The following TFPI variants were observed in gnomAD, a reference collection of about 807,000 sequenced individuals.
TFPI encodes tissue factor pathway inhibitor.
In TFPI, 15 loss-of-function variants were observed where a neutral mutation model predicts 34.6. That is an observed-to-expected ratio of 0.43 (90% CI 0.29 to 0.67). The LOEUF (loss-of-function observed/expected upper bound fraction) is 0.67. Ranked by LOEUF, TFPI falls within the 30% of genes least tolerant of loss-of-function variation. The pLI is 0.15. For missense variants in TFPI, 301 were observed against 364.0 expected (o/e 0.83, Z 1.41); for synonymous variants, 105 against 120.1 (o/e 0.87, Z 0.82).
At chr2:187,487,074 C>T (rs1027483894) in intron 4 of TFPI, among the ~76,000 whole-genome samples, 4 of 151,448 alleles carry the variant, frequency 2.6e-5, no homozygotes, top group African/African-American at 9.7e-5. Flanking sequence ...TATAAATATA[C>T]ACTTTATAGC....
chr2:187,525,358 A>G (rs981717652), intron 1 of TFPI, among the ~76,000 whole-genome samples: 1 of 152,118 alleles, frequency 6.6e-6, no homozygotes, highest in African/African-American at 2.4e-5. Context: ...TCATCTGGAA[A>G]GCATTCTGCC....
chr2:187,498,753 A>G (rs957891508), intron 2 of TFPI, among the ~76,000 whole-genome samples: 3 of 151,970 alleles, frequency 2.0e-5, no homozygotes, highest in African/African-American at 7.2e-5. Flanking sequence ...ATAGAAGAGT[A>G]TGTTTTTCAG....
chr2:187,476,614 A>C (rs1172944689), intron 6 of TFPI, among the ~76,000 whole-genome samples: 1 of 152,140 alleles, frequency 6.6e-6, no homozygotes, highest in Admixed American at 6.6e-5. Flanking sequence ...CGCTGGTATT[A>C]CAGGAGTGAG....
chr2:187,480,316 A>G (rs1397334437), intron 6 of TFPI, among the ~76,000 whole-genome samples: 1 of 152,028 alleles, frequency 6.6e-6, no homozygotes, highest in African/African-American at 2.4e-5. Flanking sequence ...CACATGGATA[A>G]TAATAATGAG....
Position 187,551,933 on chromosome 2 carries a change from T to C in TFPI, c.-3+2267A>G, listed in dbSNP as rs115499063. Among the ~76,000 whole-genome samples, 1,008 of 152,240 alleles carry C rather than the reference T, an allele frequency of 6.6e-3. 8 individuals carry two copies. Among genetic ancestry groups the C allele is most frequent in the African/African-American group, 0.023 (959 of 41,560 alleles). On this transcript the variant is annotated intron_variant, in intron 1 of 7. Coordinates refer to ENST00000233156, the MANE Select transcript of TFPI (RefSeq NM_006287.6). ...GATGGCTGGTTGTAGAAGGCCTTTA[T>C]TGAGAATAGATGAGTTGTATTGTAG...
Position 187,496,767 on chromosome 2 carries a change from T to G in TFPI, c.319+114A>C, listed in dbSNP as rs1685510495. Reference sequence around the variant, plus strand: ...GTCTAAAAATGTGGAAATAAAAGATTCCTTGGAAATATTAAAACAGCATGA... The same window carrying G: ...GTCTAAAAATGTGGAAATAAAAGATGCCTTGGAAATATTAAAACAGCATGA... On this transcript the variant is annotated intron_variant, in intron 3 of 7. Coordinates refer to ENST00000233156, the MANE Select transcript of TFPI (RefSeq NM_006287.6). 4 of 941,896 alleles carry G rather than the reference T, an allele frequency of 4.2e-6. No homozygotes were observed. The South Asian group carries it at 7.3e-5, about 17-fold the overall frequency. The allele number at this position is 941,896 out of a possible 1,614,324, so 58.3% of individuals were successfully genotyped here. A position where few individuals can be genotyped will look rare whatever the true frequency, so the allele number is the denominator to read the frequency against.
At chr2:187,473,378 C>T (rs536666830) in intron 6 of TFPI, among the ~76,000 whole-genome samples, 33 of 151,978 alleles carry the variant, frequency 2.2e-4, no homozygotes, top group African/African-American at 8.0e-4. Context: ...CCAGCAGCTA[C>T]TTCCAGTCTT....
rs1403882013 is a variant in TFPI, at chr2:187,465,080, T to C, written c.*1856A>G. ...AGTACTGTTGGTAAATCCAAAAACA[T>C]ACATCAAAATTAAATGGTGAGGTTG... On this transcript the variant is annotated 3_prime_UTR_variant, in exon 8 of 8. Transcript: ENST00000233156. 1.3e-5 allele frequency: 2 copies of C among 152,158 alleles called. No individual in the cohort carries two copies. Among genetic ancestry groups the C allele is most frequent in the Non-Finnish European group, 2.9e-5 (2 of 68,028 alleles). 9.4% of individuals were successfully genotyped at this position (152,158 alleles called of 1,614,324 possible).
intron 6 of TFPI, among the ~76,000 whole-genome samples, chr2:187,473,694 T>G (rs1368948348): frequency 6.6e-6 from 1 of 151,812 alleles, no homozygotes; most frequent in East Asian, 1.9e-4. Context: ...AGAAAGAGTA[T>G]GTATCTCTAT....
At chr2:187,491,868 T>G (rs1382307222) in intron 3 of TFPI, among the ~76,000 whole-genome samples, 2 of 152,164 alleles carry the variant, frequency 1.3e-5, no homozygotes, top group Non-Finnish European at 1.5e-5. Flanking sequence ...CATCTGTTAT[T>G]TTTTGACTTT....
chr2:187,503,821 T>G, intron 1 of TFPI, 51 bp from the exon 2 acceptor site: 5 of 1,591,286 alleles, frequency 3.1e-6, no homozygotes, highest in Non-Finnish European at 4.3e-6. Context: ...TAATATGCAC[T>G]CATTTACAGA....
At chr2:187,493,564 T>C (rs969330179) in intron 3 of TFPI, among the ~76,000 whole-genome samples, 1 of 152,230 alleles carries the variant, frequency 6.6e-6, no homozygotes, top group African/African-American at 2.4e-5. Context: ...TTCTTTTCAC[T>C]TGCATTGTCA....
intron 1 of TFPI, chr2:187,517,009 C>T (rs1257376736): frequency 2.0e-5 from 3 of 152,194 alleles, no homozygotes; most frequent in Admixed American, 6.5e-5. Flanking sequence ...AAGTTCCAGG[C>T]TGAATAAAGC....
intron 6 of TFPI, among the ~76,000 whole-genome samples, chr2:187,473,848 G>T (rs1245847040): frequency 6.6e-6 from 1 of 151,630 alleles, no homozygotes; most frequent in Non-Finnish European, 1.5e-5. Flanking sequence ...CTTACCTGAG[G>T]ATAAAGTATA....
intron 1 of TFPI, chr2:187,544,775 CT>C (rs1688767888): frequency 6.6e-6 from 1 of 152,148 alleles, no homozygotes; most frequent in African/African-American, 2.4e-5. Flanking sequence ...AATCACAACT[CT>C]TTCTACATTT....
intron 6 of TFPI, among the ~76,000 whole-genome samples, chr2:187,469,492 A>G (rs1691907608): frequency 1.3e-5 from 2 of 152,018 alleles, no homozygotes; most frequent in African/African-American, 4.8e-5. Context: ...TTTATTGTGT[A>G]TATGTGAGGT....
intron 3 of TFPI, among the ~76,000 whole-genome samples, chr2:187,496,502 G>A (rs1161178535): frequency 6.6e-6 from 1 of 151,830 alleles, no homozygotes; most frequent in Non-Finnish European, 1.5e-5. Context: ...TTTTTCTTCT[G>A]TCTTTATTAT....
chr2:187,496,787 G>A, intron 3 of TFPI, 94 bp downstream of exon 3: 2 of 1,112,732 alleles, frequency 1.8e-6, no homozygotes, highest in Non-Finnish European at 2.6e-6. Context: ...TATTAAAACA[G>A]CATGAAATTA....
At chr2:187,497,729 C>T (rs1276297148) in intron 2 of TFPI, among the ~76,000 whole-genome samples, 1 of 151,810 alleles carries the variant, frequency 6.6e-6, no homozygotes, top group Non-Finnish European at 1.5e-5. Context: ...AAATATTTAA[C>T]TCCTAATTTT....
Sources: allele counts gnomAD v4.1 joint callset (sites outside exome capture counted in the v4.1 genomes callset), GRCh38; gene constraint gnomAD v4.1.1; transcripts MANE v1.5; gene names NCBI Gene and HGNC (gene_info 2026-07-23, HGNC 2026-07-21).